Variants in TMEM177 observed in about 807,000 individuals in gnomAD.
TMEM177 encodes the protein transmembrane protein 177.
In TMEM177, 4 loss-of-function variants were observed where a neutral mutation model predicts 14.2. The observed-to-expected ratio is 0.28, with a 90% confidence interval of 0.14 to 0.64. The LOEUF is 0.64. Ranked by LOEUF, TMEM177 falls within the 30% of genes least tolerant of loss-of-function variation. The probability of loss-of-function intolerance (pLI) is 0.82; values close to 1 mark genes in which losing one functional copy is unlikely to be tolerated. For synonymous variants in TMEM177, 179 were observed against 174.5 expected (o/e 1.03, Z -0.20); for missense variants, 344 against 405.2 (o/e 0.85, Z 1.30).
chr2:119,685,901 A>T (rs561193462), downstream of TMEM177: 2 of 581,440 alleles, frequency 3.4e-6, no homozygotes, highest in African/African-American at 1.9e-5. Flanking sequence ...TTAGGAAAAA[A>T]TAGTCACTGA....
the TMEM177 span, among the ~76,000 whole-genome samples, chr2:119,716,733 G>A: frequency 1.1e-3 from 173 of 152,286 alleles, 1 homozygote; most frequent in Non-Finnish European, 1.3e-3. Context: ...GCAGAAGAGG[G>A]AAATGCAATT....
At chr2:119,719,182 C>T in the TMEM177 span, among the ~76,000 whole-genome samples, 30 of 152,262 alleles carry the variant, frequency 2.0e-4, no homozygotes, top group Middle Eastern at 3.4e-3. Flanking sequence ...CCAGAAGCTG[C>T]CCTCCTGCCC....
chr2:119,699,772 A>G, the TMEM177 span: 1 of 262,410 alleles, frequency 3.8e-6, no homozygotes, highest in African/African-American at 2.3e-5. Flanking sequence ...GAGCCAGACC[A>G]TATCAGTGCC....
chr2:119,719,337 A>G, the TMEM177 span, among the ~76,000 whole-genome samples: 1 of 152,154 alleles, frequency 6.6e-6, no homozygotes, highest in South Asian at 2.1e-4. Context: ...TAAACTTTAC[A>G]TAGTATGTGT....
the TMEM177 span, among the ~76,000 whole-genome samples, chr2:119,702,758 G>A: frequency 2.6e-5 from 4 of 152,214 alleles, no homozygotes; most frequent in Admixed American, 1.3e-4. Flanking sequence ...GCTTCCTGGA[G>A]GAGGTGAGGC....
chr2:119,700,998 C>T, the TMEM177 span, among the ~76,000 whole-genome samples: 2 of 152,294 alleles, frequency 1.3e-5, no homozygotes, highest in East Asian at 3.9e-4. Flanking sequence ...TCTGATTCGC[C>T]ACAGGTCTGA....
chr2:119,698,658 T>C, the TMEM177 span: 1 of 179,316 alleles, frequency 5.6e-6, no homozygotes, highest in African/African-American at 2.4e-5. Context: ...AAAACCCTAC[T>C]AAATCTTGCA....
At chr2:119,705,530 C>T in the TMEM177 span, among the ~76,000 whole-genome samples, 4 of 151,880 alleles carry the variant, frequency 2.6e-5, no homozygotes, top group African/African-American at 9.7e-5. Flanking sequence ...TCCATAGTTC[C>T]TTGTTATGTG....
the TMEM177 span, among the ~76,000 whole-genome samples, chr2:119,710,693 T>C: frequency 6.6e-6 from 1 of 151,354 alleles, no homozygotes; most frequent in Non-Finnish European, 1.5e-5. Context: ...CACTGCAAGC[T>C]CCACCTCCCG....
chr2:119,696,166 G>A, the TMEM177 span, among the ~76,000 whole-genome samples: 2 of 152,174 alleles, frequency 1.3e-5, no homozygotes, highest in East Asian at 1.9e-4. Context: ...TGAGGTATAG[G>A]CAGCCTGAAT....
the TMEM177 span, among the ~76,000 whole-genome samples, chr2:119,694,452 G>A: frequency 1.3e-5 from 2 of 152,248 alleles, no homozygotes; most frequent in African/African-American, 4.8e-5. Flanking sequence ...AAGCAGAGGT[G>A]TGGGGAGAGT....
At chr2:119,718,038 A>G in the TMEM177 span, among the ~76,000 whole-genome samples, 3 of 152,176 alleles carry the variant, frequency 2.0e-5, no homozygotes, top group Non-Finnish European at 4.4e-5. Context: ...GGGGGTCTTC[A>G]GCACCAAGGG....
At position 119,681,554 on chromosome 2, in the gene TMEM177, G is replaced by A. The variant is rs769976105; in HGVS notation, c.701G>A (p.Arg234His). 17 of 1,614,032 alleles carry A rather than the reference G, an allele frequency of 1.1e-5. No homozygotes were observed. Among genetic ancestry groups the A allele is most frequent in the African/African-American group, 2.7e-5 (2 of 74,946 alleles). Reference sequence around the variant, plus strand: ...GCCGTGGAGTCCTGGCTGGACCGCCGCACGGCCTCCCTCTCTGCAGCCTAT... The same window carrying A: ...GCCGTGGAGTCCTGGCTGGACCGCCACACGGCCTCCCTCTCTGCAGCCTAT... ...THAVESWLDR[R>H]TASLSAAYAC... Residue 234 changes from arginine (R) to histidine (H), a missense_variant, in exon 2 of 2, where the codon CGC (arginine) becomes CAC (histidine). Arg to His is a conservative substitution (Grantham distance 29, BLOSUM62 0). Coordinates refer to ENST00000272521, the MANE Select transcript of TMEM177 (RefSeq NM_030577.3).
At chr2:119,707,209 T>C in the TMEM177 span, among the ~76,000 whole-genome samples, 4,627 of 152,276 alleles carry the variant, frequency 0.03, 123 homozygotes, top group African/African-American at 0.079. Flanking sequence ...CTTTTTATTC[T>C]GGAAGGATCA....
At chr2:119,695,160 C>G in the TMEM177 span, among the ~76,000 whole-genome samples, 1 of 152,306 alleles carries the variant, frequency 6.6e-6, no homozygotes, top group African/African-American at 2.4e-5. Flanking sequence ...TCTCTGTGTC[C>G]TTTCCATTGA....
the TMEM177 span, among the ~76,000 whole-genome samples, chr2:119,705,220 T>C: frequency 1.3e-5 from 2 of 152,236 alleles, no homozygotes; most frequent in Non-Finnish European, 2.9e-5. Flanking sequence ...ACAAACCTAG[T>C]GGCTTATTCC....
At chr2:119,718,804 G>A in the TMEM177 span, among the ~76,000 whole-genome samples, 1 of 152,180 alleles carries the variant, frequency 6.6e-6, no homozygotes, top group Non-Finnish European at 1.5e-5. Context: ...ACAGGCTTTC[G>A]AGTCAGCACT....
chr2:119,681,898 C>T lies in TMEM177; in HGVS notation c.*109C>T. On this transcript the variant is annotated 3_prime_UTR_variant, in exon 2 of 2. Coordinates refer to ENST00000272521, the MANE Select transcript of TMEM177 (RefSeq NM_030577.3). ...CTATAGCTCACGGCCAGAAAAATCA[C>T]TGGCTTTGGAATTAAATAGCTTAGA... The T allele has an allele frequency of 1.0e-6, 1 of 1,000,612 alleles. No individual in the cohort carries two copies. The highest frequency in any genetic ancestry group is 1.5e-6 in the Non-Finnish European group (1 of 670,150). The allele number at this position is 1,000,612 out of a possible 1,614,324, so 62.0% of individuals were successfully genotyped here.
At chr2:119,686,409 G>T (rs899352419), downstream of TMEM177, 2 of 152,106 alleles carry the variant, frequency 1.3e-5, no homozygotes, top group Non-Finnish European at 2.9e-5. Flanking sequence ...GCTTTTCAAA[G>T]CCCCAGTTCA....
Sources: gnomAD v4.1 joint callset for allele counts (sites outside exome capture counted in the v4.1 genomes callset) on GRCh38, gnomAD v4.1.1 for gene constraint, MANE v1.5 for transcripts, NCBI Gene and HGNC (gene_info 2026-07-23, HGNC 2026-07-21) for gene names.